The following PRKAG2 variants were observed in gnomAD, a reference collection of about 807,000 sequenced individuals.
PRKAG2 encodes protein kinase AMP-activated non-catalytic subunit gamma 2.
PRKAG2 carries 26 observed loss-of-function variants against 69.6 expected under a neutral mutation model. The observed-to-expected ratio is 0.37, with a 90% CI of 0.27 to 0.52. The LOEUF is 0.52. Among genes scored for constraint, PRKAG2 ranks in the 20% least tolerant of loss-of-function variants. The probability of loss-of-function intolerance (pLI) is 0.90; values close to 1 mark genes in which losing one functional copy is unlikely to be tolerated. For synonymous variants in PRKAG2, 293 were observed against 285.0 expected (o/e 1.03, Z -0.28); for missense variants, 557 against 740.0 (o/e 0.75, Z 2.87).
chr7:151,775,350 G>C (rs762956388), intron 3 of PRKAG2, among the ~76,000 whole-genome samples: 3 of 152,184 alleles, frequency 2.0e-5, no homozygotes, highest in African/African-American at 4.8e-5. Flanking sequence ...TAAATGGAGA[G>C]AGACACAGAC....
chr7:151,803,193 A>C (rs765811626), intron 1 of PRKAG2, among the ~76,000 whole-genome samples: 5 of 152,034 alleles, frequency 3.3e-5, no homozygotes, highest in Non-Finnish European at 7.4e-5. Flanking sequence ...CCTGACCTCA[A>C]GGGATCTGCC....
rs964480115 is a variant in PRKAG2 at position 151,558,430 on chromosome 7, G to C, written c.1679-1198C>G. 3.0e-6 allele frequency: 3 copies of C among 985,236 alleles called. No individual in the cohort carries two copies. In the African/African-American group the frequency reaches 5.2e-5, roughly 17 times the overall value. The allele number at this position is 985,236 out of a possible 1,614,324, so 61.0% of individuals were successfully genotyped here. ...TTTCAGCTCTTTTCATAGCAACATA[G>C]GAGGGAGACGGGCCTGTATCAGCCG... On this transcript the variant is annotated intron_variant, in intron 15 of 15. Transcript: ENST00000287878.
In PRKAG2 at chr7:151,567,020, C is replaced by T. The variant is rs761866025; in HGVS notation, c.1234-1135G>A. On this transcript the variant is annotated intron_variant, in intron 11 of 15. Coordinates refer to ENST00000287878, the MANE Select transcript of PRKAG2 (RefSeq NM_016203.4). The surrounding 1 kb of genome is among the most constrained non-coding windows in gnomAD (Gnocchi z 4.2). Reference sequence around the variant, plus strand: ...TCTCCTTTTTATAGAAGATAAAAATCTGAAGCAGCTCTGCAAAAGAATGAT... The same window carrying T: ...TCTCCTTTTTATAGAAGATAAAAATTTGAAGCAGCTCTGCAAAAGAATGAT... 3.3e-4 allele frequency among the ~76,000 whole-genome samples: 51 copies of T among 152,286 alleles called. No individual in the cohort carries two copies. The highest frequency in any genetic ancestry group is 4.4e-4 in the Non-Finnish European group (30 of 68,014).
In PRKAG2 at chr7:151,632,389, TC is replaced by T. The variant is rs1487408362; in HGVS notation, c.685-252del. 27 of 457,702 alleles carry T rather than the reference TC, an allele frequency of 5.9e-5. No homozygotes were observed. Among genetic ancestry groups the T allele is most frequent in the South Asian group, 1.8e-4 (2 of 10,822 alleles). 28.4% of individuals were successfully genotyped at this position (457,702 alleles called of 1,614,324 possible). A position where few individuals can be genotyped will look rare whatever the true frequency, so the allele number is the denominator to read the frequency against. The stretch of plus-strand genomic sequence containing the variant: ...CCCCTCCGCGAGTGGGACGCGCCGC[TC>T]CCCCCCGCGCCTTGGTACGGCCCGC... On this transcript the variant is annotated intron_variant, in intron 4 of 15. Coordinates refer to ENST00000287878, the MANE Select transcript of PRKAG2 (RefSeq NM_016203.4). This position sits in a 1 kb window ranked among gnomAD's most constrained non-coding sequence, Gnocchi z 4.2.
intron 3 of PRKAG2, among the ~76,000 whole-genome samples, chr7:151,679,983 T>C (rs1370246964): frequency 6.6e-6 from 1 of 151,632 alleles, no homozygotes; most frequent in Admixed American, 6.6e-5. Context: ...GCCCAGGAGT[T>C]CAAGGCTGCA....
intron 3 of PRKAG2, among the ~76,000 whole-genome samples, chr7:151,734,939 C>T (rs1799537594): frequency 6.9e-6 from 1 of 145,140 alleles, no homozygotes; most frequent in African/African-American, 2.6e-5. Context: ...ACTGCAACCT[C>T]TGCCTCCTGG....
At chr7:151,573,959 A>C (rs185542378) in intron 8 of PRKAG2, among the ~76,000 whole-genome samples, 12 of 152,118 alleles carry the variant, frequency 7.9e-5, no homozygotes, top group Admixed American at 1.3e-4. Flanking sequence ...TTGTATTTTT[A>C]GTAGAGACAG....
At chr7:151,616,972 C>G (rs1393103495) in intron 5 of PRKAG2, among the ~76,000 whole-genome samples, 3 of 152,054 alleles carry the variant, frequency 2.0e-5, no homozygotes, top group African/African-American at 7.2e-5. Flanking sequence ...GAAACGCACA[C>G]TACTAGGCCG....
intron 3 of PRKAG2, among the ~76,000 whole-genome samples, chr7:151,685,767 TAA>T (rs55879822): frequency 0.32 from 46,504 of 145,502 alleles, 7,931 homozygotes; most frequent in East Asian, 0.58. Flanking sequence ...ACCCTGTCTC[TAA>T]AAAAAAAAAA....
In PRKAG2 at chr7:151,814,326, G is replaced by A; in HGVS notation, c.115-27785C>T. ...TTCAGCATCAGTCTTACACACCAAG[G>A]AGACAAAGCATCGTGAGGGGGAAAA... is the stretch of plus-strand genomic sequence containing the variant. On this transcript the variant is annotated intron_variant, in intron 1 of 15. Transcript: ENST00000287878. The surrounding 1 kb of genome is among the most constrained non-coding windows in gnomAD (Gnocchi z 4.8). 1 of 916,414 alleles carries A rather than the reference G, an allele frequency of 1.1e-6. No individual in the cohort carries two copies. The highest frequency in any genetic ancestry group is 1.7e-5 in the African/African-American group (1 of 57,934). 56.8% of individuals were successfully genotyped at this position (916,414 alleles called of 1,614,324 possible).
At chr7:151,700,619 C>A (rs1788234793) in intron 3 of PRKAG2, among the ~76,000 whole-genome samples, 1 of 152,176 alleles carries the variant, frequency 6.6e-6, no homozygotes. Context: ...CCAGGTAATG[C>A]CAGGCCTGCC....
intron 3 of PRKAG2, among the ~76,000 whole-genome samples, chr7:151,727,614 G>A (rs1319949729): frequency 6.6e-6 from 1 of 152,164 alleles, no homozygotes; most frequent in Non-Finnish European, 1.5e-5. Context: ...CAGGGTCACT[G>A]GCCACAGCTG....
At chr7:151,870,154 T>TAGATAGATAGATAGATAGATAGATAGAC (rs1159760978) in intron 1 of PRKAG2, among the ~76,000 whole-genome samples, 2 of 138,322 alleles carry the variant, frequency 1.4e-5, no homozygotes, top group African/African-American at 5.5e-5. Context: ...GATAGATAGA[T>TAGATAGATAGATAGATAGATAGATAGAC]AGGCAGGCAG....
At chr7:151,608,711 T>A (rs1458144674) in intron 5 of PRKAG2, among the ~76,000 whole-genome samples, 1 of 152,064 alleles carries the variant, frequency 6.6e-6, no homozygotes, top group Admixed American at 6.6e-5. Flanking sequence ...CACTGGTGAA[T>A]CTAGATTTAA....
At chr7:151,605,206 G>A (rs1241333774) in intron 5 of PRKAG2, among the ~76,000 whole-genome samples, 8 of 151,306 alleles carry the variant, frequency 5.3e-5, no homozygotes, top group Non-Finnish European at 1.0e-4. Context: ...TAGTAGAGAC[G>A]GGGTTTCACC....
intron 3 of PRKAG2, among the ~76,000 whole-genome samples, chr7:151,711,408 G>A (rs1032157128): frequency 5.9e-5 from 9 of 152,100 alleles, no homozygotes; most frequent in Admixed American, 2.0e-4. Context: ...GCTAAGCTTA[G>A]AGTACTAAGA....
intron 3 of PRKAG2, among the ~76,000 whole-genome samples, chr7:151,714,420 C>T (rs944884228): frequency 6.4e-5 from 9 of 141,632 alleles, no homozygotes; most frequent in Non-Finnish European, 9.1e-5. Context: ...CAGGGCTTCC[C>T]GGAGAGCCGT....
At chr7:151,641,404 C>T (rs1010652833) in intron 4 of PRKAG2, among the ~76,000 whole-genome samples, 1 of 151,762 alleles carries the variant, frequency 6.6e-6, no homozygotes, top group African/African-American at 2.4e-5. Flanking sequence ...CACACCACCA[C>T]ACCCAGCAAA....
intron 3 of PRKAG2, among the ~76,000 whole-genome samples, chr7:151,773,029 GAGAGAGAGAGAGA>G (rs2076118507): frequency 7.4e-5 from 2 of 27,134 alleles, no homozygotes; most frequent in African/African-American, 2.4e-4. Flanking sequence ...AAGAAAGAGA[GAGAGAGAGAGAGA>G]GAGAGAGAGA....
Sources: allele counts gnomAD v4.1 joint callset (sites outside exome capture counted in the v4.1 genomes callset), GRCh38; gene constraint gnomAD v4.1.1; non-coding constraint Gnocchi (gnomAD v3.1); transcripts MANE v1.5; gene names NCBI Gene and HGNC (gene_info 2026-07-23, HGNC 2026-07-21).